Variants in NKAIN2 observed in about 807,000 individuals in gnomAD.
The protein encoded by NKAIN2 is sodium/potassium transporting ATPase interacting 2.
Under a neutral mutation model 32.6 loss-of-function variants are expected in NKAIN2, and 14 were observed. That is an observed-to-expected ratio of 0.43 (90% CI 0.28 to 0.67). NKAIN2 has a LOEUF of 0.67. Ranked by LOEUF, NKAIN2 falls within the 30% of genes least tolerant of loss-of-function variation. The pLI is 0.17. For synonymous variants in NKAIN2, 80 were observed against 87.2 expected, an observed-to-expected ratio of 0.92 and a Z score of 0.46; for missense variants, 198 against 258.3, an observed-to-expected ratio of 0.77 and a Z score of 1.60.
At chr6:124,617,617 T>TTA (rs1468150743) in intron 3 of NKAIN2, among the ~76,000 whole-genome samples, 1 of 152,204 alleles carries the variant, frequency 6.6e-6, no homozygotes, top group African/African-American at 2.4e-5. Context: ...ATTTGCTGAA[T>TTA]TATCAGCTCC....
intron 2 of NKAIN2, among the ~76,000 whole-genome samples, chr6:124,296,870 C>T (rs1451544518): frequency 6.6e-6 from 1 of 152,158 alleles, no homozygotes; most frequent in African/African-American, 2.4e-5. Context: ...TAGTGTTGTA[C>T]ATCACACACG....
In NKAIN2 at chr6:124,059,447, C is replaced by G. The variant is rs148461057; in HGVS notation, c.55-223558C>G. 1.6e-4 allele frequency among the ~76,000 whole-genome samples: 24 copies of G among 152,234 alleles called. No individual in the cohort carries two copies. The East Asian group carries it at 2.3e-3, about 15-fold the overall frequency. ...TTTAAAGTCTGACCCTTCACCTTATCTAACCCTTACACCTGTCACCATCCT... is the reference window on the plus strand; with the variant it reads ...TTTAAAGTCTGACCCTTCACCTTATGTAACCCTTACACCTGTCACCATCCT... On this transcript the variant is annotated intron_variant, in intron 1 of 6. Transcript: ENST00000368417.
rs186036089 is a variant in NKAIN2, at chr6:124,209,223, G to A, written c.55-73782G>A. Reference sequence around the variant, plus strand: ...ACATGTGAGTGAGAAAATGTGATACGTACCTTTCTCTGCCTGTCTTATTTC... The same window carrying A: ...ACATGTGAGTGAGAAAATGTGATACATACCTTTCTCTGCCTGTCTTATTTC... On this transcript the variant is annotated intron_variant, in intron 1 of 6. Transcript: ENST00000368417. Among the ~76,000 whole-genome samples, 54 of 151,742 alleles carry A rather than the reference G, an allele frequency of 3.6e-4. No individual in the cohort carries two copies. In the East Asian group the frequency reaches 8.5e-3, roughly 24 times the overall value.
At chr6:124,083,911 G>A (rs997604511) in intron 1 of NKAIN2, among the ~76,000 whole-genome samples, 2 of 151,918 alleles carry the variant, frequency 1.3e-5, no homozygotes, top group Non-Finnish European at 2.9e-5. Flanking sequence ...AGGATGAAAA[G>A]CAGGAAACTA....
At chr6:124,710,660 T>G (rs1397092922) in intron 4 of NKAIN2, among the ~76,000 whole-genome samples, 3 of 150,656 alleles carry the variant, frequency 2.0e-5, no homozygotes, top group African/African-American at 7.3e-5. Context: ...AACCCCTGCC[T>G]TTTTTTGTTT....
intron 1 of NKAIN2, among the ~76,000 whole-genome samples, chr6:124,195,130 CTTA>C (rs1260018288): frequency 6.7e-6 from 1 of 149,872 alleles, no homozygotes; most frequent in Non-Finnish European, 1.5e-5. Flanking sequence ...TATTTTTATA[CTTA>C]TTATATTCCT....
chr6:124,259,525 T>C (rs1794121635), intron 1 of NKAIN2, among the ~76,000 whole-genome samples: 1 of 152,144 alleles, frequency 6.6e-6, no homozygotes, highest in South Asian at 2.1e-4. Flanking sequence ...CAAAATATGA[T>C]ACCAAAAAAC....
At chr6:124,194,952 T>G (rs1191400640) in intron 1 of NKAIN2, among the ~76,000 whole-genome samples, 1 of 151,540 alleles carries the variant, frequency 6.6e-6, no homozygotes, top group Non-Finnish European at 1.5e-5. Flanking sequence ...GTACCAGCTT[T>G]AAATGAAGAG....
At chr6:124,115,739 A>C (rs1785579079) in intron 1 of NKAIN2, among the ~76,000 whole-genome samples, 1 of 152,070 alleles carries the variant, frequency 6.6e-6, no homozygotes, top group Admixed American at 6.6e-5. Context: ...TACACCATAT[A>C]CCATTATTTT....
At chr6:124,759,633 ACACACACACACACACACACACAC>A (rs1562367657) in intron 4 of NKAIN2, among the ~76,000 whole-genome samples, 24 of 110,494 alleles carry the variant, frequency 2.2e-4, no homozygotes, top group South Asian at 5.9e-4. Context: ...ACACACACAC[ACACACACACACACACACACACAC>A]CCCCTATCTC....
At chr6:124,194,768 T>C (rs564599433) in intron 1 of NKAIN2, among the ~76,000 whole-genome samples, 45 of 152,274 alleles carry the variant, frequency 3.0e-4, no homozygotes, top group African/African-American at 1.1e-3. Context: ...GTTTACTACA[T>C]ATAATGGAAG....
chr6:124,268,316 A>G (rs538209099), intron 1 of NKAIN2, among the ~76,000 whole-genome samples: 329 of 152,352 alleles, frequency 2.2e-3, no homozygotes, highest in Non-Finnish European at 3.2e-3. Flanking sequence ...TAATATTCAT[A>G]TTTGTAAGTA....
intron 4 of NKAIN2, among the ~76,000 whole-genome samples, chr6:124,772,464 C>T (rs1338223776): frequency 6.6e-6 from 1 of 152,090 alleles, no homozygotes; most frequent in Non-Finnish European, 1.5e-5. Context: ...GGCAGCTGCA[C>T]ATTAGAGCCT....
Position 124,815,262 on chromosome 6 carries a change from G to GTATATA in NKAIN2, c.536-3124_536-3123insATATAT, listed in dbSNP as rs1562400532. Among the ~76,000 whole-genome samples the GTATATA allele has an allele frequency of 3.6e-3, 493 of 135,700 alleles. 7 individuals are homozygous for GTATATA. Among genetic ancestry groups the GTATATA allele is most frequent in the African/African-American group, 0.014 (476 of 35,052 alleles). The allele number at this position is 135,700 out of a possible 152,430, so 89.0% of individuals were successfully genotyped here. On this transcript the variant is annotated intron_variant, in intron 5 of 6. Transcript: ENST00000368417. ...TATATGTATATATGTATATATATAT[G>GTATATA]TGTATATATATGTATATATGTATAT...
At chr6:124,064,468 A>AT (rs1477381455) in intron 1 of NKAIN2, among the ~76,000 whole-genome samples, 3 of 150,362 alleles carry the variant, frequency 2.0e-5, no homozygotes, top group Non-Finnish European at 4.4e-5. Context: ...TACTTATATT[A>AT]CTTTCATTCT....
chr6:124,044,726 C>A (rs1241080398), intron 1 of NKAIN2, among the ~76,000 whole-genome samples: 1 of 152,056 alleles, frequency 6.6e-6, no homozygotes, highest in Non-Finnish European at 1.5e-5. Context: ...TGACCTTCTG[C>A]TTTGCAGGTC....
intron 3 of NKAIN2, among the ~76,000 whole-genome samples, chr6:124,505,613 T>C (rs770974247): frequency 2.0e-5 from 3 of 152,170 alleles, no homozygotes; most frequent in Non-Finnish European, 2.9e-5. Flanking sequence ...AGCTGGTAAA[T>C]GATCTGCATT....
chr6:124,147,238 C>A (rs1013188301), intron 1 of NKAIN2, among the ~76,000 whole-genome samples: 1 of 152,150 alleles, frequency 6.6e-6, no homozygotes, highest in Admixed American at 6.5e-5. Flanking sequence ...TCAGGATACA[C>A]TGGAAAGCGT....
At chr6:124,263,138 T>C (rs1267994953) in intron 1 of NKAIN2, among the ~76,000 whole-genome samples, 1 of 152,184 alleles carries the variant, frequency 6.6e-6, no homozygotes, top group African/African-American at 2.4e-5. Context: ...TACTAAGGCT[T>C]CTAGGGTTTA....
Sources: allele counts gnomAD v4.1 joint callset (sites outside exome capture counted in the v4.1 genomes callset), GRCh38; gene constraint gnomAD v4.1.1; transcripts MANE v1.5; gene names NCBI Gene and HGNC (gene_info 2026-07-23, HGNC 2026-07-21).